The following RBFOX3 variants were observed in gnomAD, a reference collection of about 807,000 sequenced individuals.
RBFOX3 encodes RNA binding fox-1 homolog 3, also known as RNA binding protein fox-1 homolog 3.
Under a neutral mutation model 48.7 loss-of-function variants are expected in RBFOX3, and 17 were observed. The ratio of observed to expected loss-of-function variants is 0.35; its 90% CI spans 0.24 to 0.52. RBFOX3 has a LOEUF of 0.52. RBFOX3 is among the 20% of genes least tolerant of loss of function. RBFOX3 has a pLI of 0.94. For synonymous variants in RBFOX3, 212 were observed against 209.5 expected (o/e 1.01, Z -0.10); for missense variants, 382 against 497.5 (o/e 0.77, Z 2.21).
chr17:79,264,295 C>T lies in RBFOX3; in HGVS notation c.-73-28490G>A, dbSNP rs188281407. 2.4e-4 allele frequency among the ~76,000 whole-genome samples: 37 copies of T among 151,820 alleles called. No homozygotes were observed. The East Asian group carries it at 5.6e-3, about 23-fold the overall frequency. The stretch of plus-strand genomic sequence containing the variant: ...TTCACCATGTTGACCAGGCTGGTCT[C>T]GAACTCCTGACCTCAGGTGATCCAT... On this transcript the variant is annotated intron_variant, in intron 3 of 14. Coordinates refer to ENST00000693108, the MANE Select transcript of RBFOX3 (RefSeq NM_001350451.2).
intron 2 of RBFOX3, among the ~76,000 whole-genome samples, chr17:79,426,353 G>A (rs1468249122): frequency 5.3e-5 from 8 of 152,158 alleles, no homozygotes; most frequent in African/African-American, 1.2e-4. Context: ...TTTCTTGCTC[G>A]AACAGTAAAT....
At chr17:79,251,935 C>T (rs970358530) in intron 3 of RBFOX3, among the ~76,000 whole-genome samples, 4 of 152,238 alleles carry the variant, frequency 2.6e-5, no homozygotes, top group African/African-American at 4.8e-5. Context: ...GATCCTTCCC[C>T]TCCCTGCCTG....
rs140346862 is a variant in RBFOX3, at chr17:79,107,711, C to T, written c.223-923G>A. The stretch of plus-strand genomic sequence containing the variant: ...GTCCGAGGTGGCCATTAGCTCATCA[C>T]GACCTAGGCCCAGGCCCAAGGGCCT... On this transcript the variant is annotated intron_variant, in intron 5 of 14. Transcript: ENST00000693108. Among the ~76,000 whole-genome samples, 51 of 152,352 alleles carry T rather than the reference C, an allele frequency of 3.3e-4. 1 individual carries two copies. The East Asian group carries it at 3.9e-3, about 12-fold the overall frequency.
chr17:79,107,584 G>C (rs1447320617), intron 5 of RBFOX3, among the ~76,000 whole-genome samples: 1 of 152,216 alleles, frequency 6.6e-6, no homozygotes, highest in African/African-American at 2.4e-5. Flanking sequence ...CGGCAAGGCT[G>C]GCCTTCAGTC....
chr17:79,557,502 C>T (rs1488674152), intron 1 of RBFOX3, among the ~76,000 whole-genome samples: 5 of 152,128 alleles, frequency 3.3e-5, no homozygotes, highest in South Asian at 4.1e-4. Flanking sequence ...AAAGAGACCA[C>T]GTCTGGGGCC....
chr17:79,215,420 T>C (rs1429603132), intron 4 of RBFOX3, among the ~76,000 whole-genome samples: 1 of 152,214 alleles, frequency 6.6e-6, no homozygotes, highest in Non-Finnish European at 1.5e-5. Context: ...TGCTCTGCCA[T>C]GCCAAGGACG....
rs892986466 is a variant in RBFOX3, at chr17:79,499,646, C to T, written c.-319-17048G>A. ...ATCCTGGCTCCCTTGTCACTATCTT[C>T]GGGCAAGTTACTTAACCTTTCTCAA... is the stretch of plus-strand genomic sequence containing the variant. On this transcript the variant is annotated intron_variant, in intron 1 of 14. Transcript: ENST00000693108. 8.7e-4 allele frequency among the ~76,000 whole-genome samples: 133 copies of T among 152,366 alleles called. 1 individual carries two copies. The highest frequency in any genetic ancestry group is 3.0e-3 in the African/African-American group (125 of 41,586).
intron 3 of RBFOX3, among the ~76,000 whole-genome samples, chr17:79,306,545 G>A (rs1281889680): frequency 2.6e-5 from 4 of 152,190 alleles, no homozygotes; most frequent in South Asian, 2.1e-4. Flanking sequence ...AATTCCTGCC[G>A]CAGCCTCTGA....
chr17:79,404,396 G>T (rs1168060341), intron 2 of RBFOX3, among the ~76,000 whole-genome samples: 1 of 152,224 alleles, frequency 6.6e-6, no homozygotes, highest in Non-Finnish European at 1.5e-5. Context: ...CAGAGCACGT[G>T]TCAAGGAGTC....
intron 1 of RBFOX3, among the ~76,000 whole-genome samples, chr17:79,555,303 GATGGTAGTT>G (rs2143832528): frequency 1.6e-4 from 6 of 38,580 alleles, no homozygotes; most frequent in Admixed American, 2.8e-4. Context: ...TGGTGGTGAT[GATGGTAGTT>G]GTGGTGGTGG....
In RBFOX3 at chr17:79,299,440, T is replaced by A. The variant is rs957459858; in HGVS notation, c.-74+8284A>T. Among the ~76,000 whole-genome samples, 2 of 152,084 alleles carry A rather than the reference T, an allele frequency of 1.3e-5. No individual in the cohort carries two copies. Among genetic ancestry groups the A allele is most frequent in the Admixed American group, 1.3e-4 (2 of 15,268 alleles). ...ATAAATAAAAATAATGATACAACAA[T>A]ACAAATAACAGAAGTGAAAAAATAC... On this transcript the variant is annotated intron_variant, in intron 3 of 14. Transcript: ENST00000693108. The surrounding 1 kb of genome is among the most constrained non-coding windows in gnomAD (Gnocchi z 4.5).
At chr17:79,173,266 T>C (rs1276260521) in intron 4 of RBFOX3, among the ~76,000 whole-genome samples, 2 of 132,032 alleles carry the variant, frequency 1.5e-5, no homozygotes, top group Non-Finnish European at 3.1e-5. Flanking sequence ...AATGTAAACT[T>C]CCCTGTGACA....
chr17:79,255,811 G>T (rs1396366422), intron 3 of RBFOX3, among the ~76,000 whole-genome samples: 1 of 151,726 alleles, frequency 6.6e-6, no homozygotes, highest in Non-Finnish European at 1.5e-5. Flanking sequence ...GCCGCAGATA[G>T]GAAGACCCTC....
At chr17:79,190,342 C>T (rs557106370) in intron 4 of RBFOX3, among the ~76,000 whole-genome samples, 3 of 145,406 alleles carry the variant, frequency 2.1e-5, no homozygotes, top group East Asian at 2.2e-4. Context: ...ATCTGGGAGG[C>T]GGAGGATGCG....
chr17:79,373,821 C>T (rs544398318), intron 2 of RBFOX3, among the ~76,000 whole-genome samples: 164 of 152,246 alleles, frequency 1.1e-3, no homozygotes, highest in Middle Eastern at 3.4e-3. Flanking sequence ...CAGTTTCCTC[C>T]CATCTCCCTA....
chr17:79,433,006 A>AT (rs1347190291), intron 2 of RBFOX3, among the ~76,000 whole-genome samples: 5 of 151,828 alleles, frequency 3.3e-5, no homozygotes, highest in African/African-American at 1.2e-4. Context: ...AACTAGTCTC[A>AT]TTTTCTCTCC....
intron 1 of RBFOX3, among the ~76,000 whole-genome samples, chr17:79,520,648 G>A (rs2085929350): frequency 2.0e-5 from 3 of 152,310 alleles, no homozygotes; most frequent in Non-Finnish European, 2.9e-5. Context: ...CTGACATCTC[G>A]GCCTGGGGAC....
At chr17:79,329,840 CA>C (rs2079944358) in intron 2 of RBFOX3, among the ~76,000 whole-genome samples, 2 of 152,184 alleles carry the variant, frequency 1.3e-5, no homozygotes, top group Admixed American at 1.3e-4. Context: ...GCTGGTCGCA[CA>C]TTTTAGCCTG....
intron 2 of RBFOX3, among the ~76,000 whole-genome samples, chr17:79,458,466 TGTGTGC>T (rs61250825): frequency 0.18 from 27,693 of 151,940 alleles, 2,574 homozygotes; most frequent in Middle Eastern, 0.24. Flanking sequence ...TGCATGCCTG[TGTGTGC>T]GTGTGCGTGA....
Sources: gnomAD v4.1 joint callset for allele counts (sites outside exome capture counted in the v4.1 genomes callset) on GRCh38, gnomAD v4.1.1 for gene constraint, Gnocchi (gnomAD v3.1) non-coding constraint, MANE v1.5 for transcripts, NCBI Gene and HGNC (gene_info 2026-07-23, HGNC 2026-07-21) for gene names.